The following NAV3 variants were observed in gnomAD, a reference collection of about 807,000 sequenced individuals.
NAV3 encodes the protein neuron navigator 3, also known as pore membrane and/or filament interacting like protein 1.
Under a neutral mutation model 244.7 loss-of-function variants are expected in NAV3, and 87 were observed. The observed-to-expected ratio is 0.36, with a 90% CI of 0.30 to 0.42. NAV3 has a LOEUF of 0.42. Among genes scored for constraint, NAV3 ranks in the 20% least tolerant of loss-of-function variants. NAV3 has a pLI of 1.00. For missense variants in NAV3, 2,663 were observed against 2,893.3 expected (o/e 0.92, Z 1.83); for synonymous variants, 1,126 against 1,042.2 (o/e 1.08, Z -1.55).
intron 2 of NAV3, among the ~76,000 whole-genome samples, chr12:77,817,557 C>T (rs563896571): frequency 1.3e-5 from 2 of 151,200 alleles, no homozygotes; most frequent in African/African-American, 2.4e-5. Flanking sequence ...TTTTAAACTG[C>T]AGATGCAAAT....
chr12:77,696,507 C>T (rs1875307750), intron 2 of NAV3, among the ~76,000 whole-genome samples: 2 of 152,104 alleles, frequency 1.3e-5, no homozygotes, highest in South Asian at 4.1e-4. Context: ...TCAGATAAGA[C>T]CAAAGCCATG....
At chr12:77,627,462 TG>T (rs895083390) in intron 2 of NAV3, among the ~76,000 whole-genome samples, 11 of 152,224 alleles carry the variant, frequency 7.2e-5, no homozygotes, top group Admixed American at 7.2e-4. Flanking sequence ...CAAAGATCGC[TG>T]GAGACTATTA....
At chr12:77,884,289 A>G (rs1235669161) in intron 1 of NAV3, among the ~76,000 whole-genome samples, 1 of 152,134 alleles carries the variant, frequency 6.6e-6, no homozygotes, top group Non-Finnish European at 1.5e-5. Flanking sequence ...ATTGACAGAT[A>G]GATTGATAGA....
rs112141762 is a variant in NAV3 at position 77,844,042 on chromosome 12, A to G, written c.243+12338A>G. On this transcript the variant is annotated intron_variant, in intron 1 of 39. Transcript: ENST00000397909. ...TTGGATCTGAGCTGTTGAGCTGTTA[A>G]GATTAAGTGAGTAATGTTGCTTTAA... Among the ~76,000 whole-genome samples the G allele has an allele frequency of 6.7e-3, 1,023 of 152,330 alleles. 12 individuals are homozygous for G. Among genetic ancestry groups the G allele is most frequent in the African/African-American group, 0.024 (979 of 41,586 alleles).
intron 2 of NAV3, among the ~76,000 whole-genome samples, chr12:77,705,239 CGA>C (rs1372867766): frequency 1.7e-4 from 26 of 151,552 alleles, no homozygotes; most frequent in African/African-American, 2.2e-4. Flanking sequence ...GCCAACATAG[CGA>C]AACCCTGTCT....
At chr12:78,119,992 G>A (rs2138643962) in intron 15 of NAV3, 47 bp downstream of exon 15, 4 of 1,450,148 alleles carry the variant, frequency 2.8e-6, no homozygotes, top group Non-Finnish European at 3.8e-6. Context: ...GGATAAATAT[G>A]TGTTAGACAC....
intron 34 of NAV3, among the ~76,000 whole-genome samples, chr12:78,194,784 C>T (rs955991090): frequency 3.3e-5 from 5 of 151,982 alleles, no homozygotes; most frequent in African/African-American, 4.8e-5. Context: ...ATCATATTTT[C>T]GTGTTTCTGA....
At chr12:77,709,069 T>C (rs949173692) in intron 2 of NAV3, among the ~76,000 whole-genome samples, 1 of 152,162 alleles carries the variant, frequency 6.6e-6, no homozygotes. Context: ...TCCTGCCTGA[T>C]TGCCCTGGCC....
At chr12:77,589,795 T>G (rs1869821476) in intron 2 of NAV3, among the ~76,000 whole-genome samples, 1 of 152,206 alleles carries the variant, frequency 6.6e-6, no homozygotes, top group Non-Finnish European at 1.5e-5. Flanking sequence ...GACTCTGAAT[T>G]TGATTGTCCA....
intron 22 of NAV3, among the ~76,000 whole-genome samples, chr12:78,153,715 C>T (rs1957164562): frequency 1.3e-5 from 2 of 151,982 alleles, no homozygotes; most frequent in South Asian, 4.1e-4. Context: ...AACAAAAGGT[C>T]CTTTTTGCCT....
At chr12:77,921,820 G>A (rs1479028) in intron 1 of NAV3, among the ~76,000 whole-genome samples, 62,875 of 151,738 alleles carry the variant, frequency 0.41, 14,109 homozygotes, top group African/African-American at 0.6. Context: ...TAGAGAGAGA[G>A]AAGCAATTTT....
Position 78,199,319 on chromosome 12 carries a change from T to A in NAV3, c.6519-16T>A, listed in dbSNP as rs1180920419. On this transcript the variant is annotated splice_polypyrimidine_tract_variant and intron_variant, in intron 36 of 39. Transcript: ENST00000397909. ...TTAATTTATATAAAAATGTCTGATTTTTTTTCTTTTTGTAGGTGGGTATTA... is the reference window on the plus strand; with the variant it reads ...TTAATTTATATAAAAATGTCTGATTATTTTTCTTTTTGTAGGTGGGTATTA... 6.4e-7 allele frequency: 1 copy of A among 1,562,790 alleles called. No homozygotes were observed. The highest frequency in any genetic ancestry group is 8.6e-7 in the Non-Finnish European group (1 of 1,156,446).
chr12:77,867,190 A>T (rs1031989378), intron 1 of NAV3, among the ~76,000 whole-genome samples: 5 of 152,130 alleles, frequency 3.3e-5, no homozygotes, highest in Non-Finnish European at 7.4e-5. Context: ...GGCAGTTTCC[A>T]CCATAGTGTT....
rs142532836 is a variant in NAV3 at position 77,758,897 on chromosome 12, G to C, written c.73-181422G>C. Among the ~76,000 whole-genome samples, 4 of 152,308 alleles carry C rather than the reference G, an allele frequency of 2.6e-5. No individual in the cohort carries two copies. In the East Asian group the frequency reaches 7.7e-4, roughly 29 times the overall value. On this transcript the variant is annotated intron_variant, in intron 2 of 8. Coordinates refer to the NAV3 transcript ENST00000550042. ...TAAGGTTTTTTATTTAAGAGGCTAG[G>C]ATTTTTCATTTAAGCCAAAGCATCA...
chr12:77,765,753 A>G (rs1038913827), intron 2 of NAV3, among the ~76,000 whole-genome samples: 2 of 152,200 alleles, frequency 1.3e-5, no homozygotes, highest in Admixed American at 6.5e-5. Context: ...CAAGTTAGGC[A>G]TGCAGACTGG....
chr12:78,106,278 C>T (rs1593604441), intron 12 of NAV3, among the ~76,000 whole-genome samples: 1 of 151,996 alleles, frequency 6.6e-6, no homozygotes, highest in East Asian at 1.9e-4. Context: ...TATCTACTAA[C>T]AAAAACTATT....
intron 8 of NAV3, among the ~76,000 whole-genome samples, chr12:78,014,732 AGAG>A (rs1200914770): frequency 1.3e-5 from 2 of 152,122 alleles, no homozygotes; most frequent in Non-Finnish European, 2.9e-5. Context: ...AGTATAATGA[AGAG>A]GAGGAGGAAC....
chr12:77,799,707 T>C (rs1520734), intron 2 of NAV3, among the ~76,000 whole-genome samples: 148,404 of 152,118 alleles, frequency 0.98, 72,519 homozygotes, highest in East Asian at 1. Flanking sequence ...TTCCCTGGGT[T>C]GTGTACAAGC....
intron 2 of NAV3, among the ~76,000 whole-genome samples, chr12:77,728,462 A>C (rs1876978033): frequency 6.6e-6 from 1 of 152,018 alleles, no homozygotes; most frequent in South Asian, 2.1e-4. Flanking sequence ...CTAAAGCATC[A>C]GCACTGAGGA....
Sources: gnomAD v4.1 joint callset for allele counts (sites outside exome capture counted in the v4.1 genomes callset) on GRCh38, gnomAD v4.1.1 for gene constraint, MANE v1.5 for transcripts, NCBI Gene and HGNC (gene_info 2026-07-23, HGNC 2026-07-21) for gene names.